KIF15: variants seen among roughly 807,000 people sequenced by gnomAD.
KIF15 encodes kinesin family member 15.
KIF15 carries 140 observed loss-of-function variants against 190.6 expected under a neutral mutation model. The ratio of observed to expected loss-of-function variants is 0.73; its 90% CI spans 0.64 to 0.84. The LOEUF (loss-of-function observed/expected upper bound fraction) is 0.84, where lower values mean the gene tolerates loss of function less well. Ranked by LOEUF, KIF15 falls within the 40% of genes least tolerant of loss-of-function variation. The pLI is 0.00. For missense variants in KIF15, 1,372 were observed against 1,584.4 expected (o/e 0.87, Z 2.28); for synonymous variants, 528 against 551.3 (o/e 0.96, Z 0.59).
downstream of KIF15, among the ~76,000 whole-genome samples, chr3:44,855,523 A>G (rs1699179514): frequency 3.3e-5 from 5 of 152,188 alleles, no homozygotes; most frequent in Admixed American, 3.3e-4. Flanking sequence ...AAAACAAAAT[A>G]GTGATGAAGT....
At chr3:44,830,097 A>T (rs1468904736) in intron 25 of KIF15, 22 bp downstream of exon 25, 1 of 1,383,320 alleles carries the variant, frequency 7.2e-7, no homozygotes, top group African/African-American at 1.5e-5. Context: ...CACCAACAAG[A>T]TGTTAAATTT....
intron 30 of KIF15, among the ~76,000 whole-genome samples, chr3:44,844,473 A>T (rs760077567): frequency 8.5e-5 from 13 of 152,222 alleles, no homozygotes; most frequent in Non-Finnish European, 1.8e-4. Flanking sequence ...GAAAAGCCTT[A>T]TATTTAGTAT....
At chr3:44,858,338 G>C (rs1368656176) in intron 6 of KIF15, among the ~76,000 whole-genome samples, 1 of 152,142 alleles carries the variant, frequency 6.6e-6, no homozygotes, top group Admixed American at 6.5e-5. Flanking sequence ...TGTAAGGAGA[G>C]TTTATAGGTT....
chr3:44,810,346 GGCT>G (rs1208800814), intron 16 of KIF15, among the ~76,000 whole-genome samples: 1 of 152,050 alleles, frequency 6.6e-6, no homozygotes, highest in African/African-American at 2.4e-5. Flanking sequence ...AGAACACCTG[GGCT>G]CTGGGGATCC....
intron 20 of KIF15, among the ~76,000 whole-genome samples, chr3:44,825,790 G>A (rs1431833692): frequency 6.6e-6 from 1 of 152,188 alleles, no homozygotes; most frequent in Non-Finnish European, 1.5e-5. Flanking sequence ...GAATGAGGAA[G>A]TGATGCTTGC....
At chr3:44,864,660 A>G (rs916328649) in intron 6 of KIF15, among the ~76,000 whole-genome samples, 1 of 152,192 alleles carries the variant, frequency 6.6e-6, no homozygotes, top group Non-Finnish European at 1.5e-5. Flanking sequence ...TCAAGGCTCC[A>G]TGGCATTTAG....
In KIF15 at chr3:44,840,466, A is replaced by G. The variant is rs1431841790; in HGVS notation, c.3420+10A>G. The G allele has an allele frequency of 1.9e-6, 3 of 1,558,292 alleles. No individual in the cohort carries two copies. The highest frequency in any genetic ancestry group is 2.6e-6 in the Non-Finnish European group (3 of 1,139,988). ...TGCTGAGGATCCCCAGGTACTTTTC[A>G]GAAAAAGATTATTTCAGGAGGAAGA... is the stretch of plus-strand genomic sequence containing the variant. On this transcript the variant is annotated intron_variant, in intron 28 of 34. Transcript: ENST00000326047.
chr3:44,809,304 A>G (rs927708322), intron 16 of KIF15, among the ~76,000 whole-genome samples: 3 of 151,994 alleles, frequency 2.0e-5, no homozygotes. Flanking sequence ...TTTTCTTCAG[A>G]TTTTGTTTTT....
At chr3:44,839,778 T>C (rs2125712467) in intron 27 of KIF15, among the ~76,000 whole-genome samples, 1 of 152,366 alleles carries the variant, frequency 6.6e-6, no homozygotes, top group South Asian at 2.1e-4. Flanking sequence ...TGTGTGGTAT[T>C]TGTCTTTCTG....
intron 6 of KIF15, among the ~76,000 whole-genome samples, chr3:44,860,900 A>T (rs1421929324): frequency 1.3e-5 from 2 of 152,264 alleles, no homozygotes; most frequent in East Asian, 3.8e-4. Flanking sequence ...ATGCTCTATT[A>T]ACACTGATTT....
In KIF15 at chr3:44,826,195, T is replaced by C. The variant is rs768586397; in HGVS notation, c.2700+6T>C. 1 of 1,571,850 alleles carries C rather than the reference T, an allele frequency of 6.4e-7. No homozygotes were observed. Among genetic ancestry groups the C allele is most frequent in the Non-Finnish European group, 8.6e-7 (1 of 1,165,926 alleles). ...CTCTGAAATCTGATCTGAATGTATGTTAAGAAGGGTGAATTTGTCCCGCAT... is the reference window on the plus strand; with the variant it reads ...CTCTGAAATCTGATCTGAATGTATGCTAAGAAGGGTGAATTTGTCCCGCAT... On this transcript the variant is annotated splice_donor_region_variant and intron_variant, in intron 21 of 34. Coordinates refer to ENST00000326047, the MANE Select transcript of KIF15 (RefSeq NM_020242.3).
chr3:44,833,016 A>G (rs1301400166), intron 26 of KIF15, among the ~76,000 whole-genome samples: 1 of 151,756 alleles, frequency 6.6e-6, no homozygotes, highest in East Asian at 1.9e-4. Context: ...TCTCAAAAAA[A>G]AAAAAAAAAA....
At chr3:44,799,392 C>T (rs11717208) in intron 10 of KIF15, 12,407 of 455,148 alleles carry the variant, frequency 0.027, 231 homozygotes, top group Non-Finnish European at 0.039. Flanking sequence ...GGGCTTACAG[C>T]GAGAATACAG....
chr3:44,794,690 G>A (rs1254296993), intron 8 of KIF15, among the ~76,000 whole-genome samples: 2 of 152,042 alleles, frequency 1.3e-5, no homozygotes, highest in African/African-American at 2.4e-5. Flanking sequence ...AGCCGGGCGC[G>A]GTGGCTCACA....
intron 8 of KIF15, among the ~76,000 whole-genome samples, chr3:44,796,664 C>T (rs142798672): frequency 1.4e-3 from 214 of 152,300 alleles, no homozygotes; most frequent in African/African-American, 4.9e-3. Flanking sequence ...TATACTCCTT[C>T]CACTGCAGAC....
intron 19 of KIF15, among the ~76,000 whole-genome samples, chr3:44,814,462 A>T (rs1239743007): frequency 6.6e-6 from 1 of 152,090 alleles, no homozygotes; most frequent in Non-Finnish European, 1.5e-5. Context: ...GGTGCTCACC[A>T]CCACAGCCAG....
chr3:44,789,691 T>TATATAA (rs1200236750), intron 7 of KIF15, among the ~76,000 whole-genome samples: 4 of 109,776 alleles, frequency 3.6e-5, no homozygotes, highest in African/African-American at 1.1e-4. Flanking sequence ...TATATATATA[T>TATATAA]AAAATAGATA....
chr3:44,839,372 CAAAAA>C (rs551942287), intron 27 of KIF15, among the ~76,000 whole-genome samples: 2 of 137,232 alleles, frequency 1.5e-5, no homozygotes, highest in African/African-American at 2.7e-5. Flanking sequence ...GACTCCATCT[CAAAAA>C]AAAAAGAAAA....
chr3:44,819,473 T>G (rs565606921), intron 20 of KIF15, among the ~76,000 whole-genome samples: 18 of 152,344 alleles, frequency 1.2e-4, no homozygotes, highest in African/African-American at 4.3e-4. Flanking sequence ...TCAAAGAACA[T>G]CTTTATTTCT....
Sources: allele counts gnomAD v4.1 joint callset (sites outside exome capture counted in the v4.1 genomes callset), GRCh38; gene constraint gnomAD v4.1.1; transcripts MANE v1.5; gene names NCBI Gene and HGNC (gene_info 2026-07-23, HGNC 2026-07-21).